TMEM30A: variants seen among roughly 807,000 people sequenced by gnomAD.
TMEM30A encodes the protein cell division cycle 50 P4-ATPase accessory subunit A.
TMEM30A carries 24 observed loss-of-function variants against 38.2 expected under a neutral mutation model. The ratio of observed to expected loss-of-function variants is 0.63; its 90% CI spans 0.46 to 0.88. The LOEUF (loss-of-function observed/expected upper bound fraction) is 0.88, where lower values mean the gene tolerates loss of function less well. Ranked by LOEUF, TMEM30A falls within the 40% of genes least tolerant of loss-of-function variation. The probability of loss-of-function intolerance (pLI) is 0.00; values close to 1 mark genes in which losing one functional copy is unlikely to be tolerated. For missense variants in TMEM30A, 370 were observed against 458.6 expected (o/e 0.81, Z 1.77); for synonymous variants, 145 against 161.6 (o/e 0.90, Z 0.78).
intron 1 of TMEM30A, among the ~76,000 whole-genome samples, chr6:75,269,643 A>G (rs1412303056): frequency 1.3e-5 from 2 of 152,142 alleles, no homozygotes; most frequent in African/African-American, 4.8e-5. Flanking sequence ...TTTTCAACCC[A>G]CTTGGCTAAA....
chr6:75,257,342 C>T (rs1466820252), intron 6 of TMEM30A, among the ~76,000 whole-genome samples: 1 of 152,058 alleles, frequency 6.6e-6, no homozygotes, highest in Admixed American at 6.6e-5. Context: ...GTCCAAATTC[C>T]TGTCTTATCA....
In TMEM30A at chr6:75,259,068, TAATA is replaced by T. The variant is rs1365761823; in HGVS notation, c.686-86_686-83del. 7.5e-6 allele frequency: 9 copies of T among 1,203,128 alleles called. No homozygotes were observed. The East Asian group carries it at 1.7e-4, about 23-fold the overall frequency. 74.5% of individuals were successfully genotyped at this position (1,203,128 alleles called of 1,614,324 possible). ...TGGCGGAGAAACGAATAAATTTGGA[TAATA>T]AATAGGGGTTTATTCAAAAGAAGCT... is the stretch of plus-strand genomic sequence containing the variant. On this transcript the variant is annotated intron_variant, in intron 5 of 6. Transcript: ENST00000230461.
At chr6:75,277,295 T>C (rs1441416861) in intron 1 of TMEM30A, among the ~76,000 whole-genome samples, 1 of 106,022 alleles carries the variant, frequency 9.4e-6, no homozygotes, top group Non-Finnish European at 1.8e-5. Flanking sequence ...TCAGATTCAA[T>C]GTCCTCATCC....
intron 1 of TMEM30A, among the ~76,000 whole-genome samples, chr6:75,271,594 T>G (rs1028407264): frequency 6.6e-6 from 1 of 152,196 alleles, no homozygotes; most frequent in African/African-American, 2.4e-5. Context: ...CACAGCCTGT[T>G]CCTTCACATA....
intron 3 of TMEM30A, among the ~76,000 whole-genome samples, chr6:75,264,473 TAAAAATAC>T (rs1018648445): frequency 4.0e-5 from 6 of 151,702 alleles, no homozygotes; most frequent in Non-Finnish European, 5.9e-5. Context: ...CCGTCTCTAC[TAAAAATAC>T]AAAAATTAGC....
intron 1 of TMEM30A, among the ~76,000 whole-genome samples, chr6:75,273,937 TG>T (rs1772216965): frequency 2.6e-5 from 4 of 152,196 alleles, no homozygotes; most frequent in Non-Finnish European, 5.9e-5. Context: ...CCCTATTAGG[TG>T]CTAGGCACTG....
rs765134451 is a variant in TMEM30A, at chr6:75,284,579, C to T, written c.60G>A (p.Gly20=). The T allele has an allele frequency of 4.3e-6, 7 of 1,613,674 alleles. No individual in the cohort carries two copies. The highest frequency in any genetic ancestry group is 2.2e-5 in the East Asian group (1 of 44,856). The change falls in exon 1 of 7, where the codon GGG becomes GGA. Residue 20 remains glycine, a synonymous_variant. Transcript: ENST00000230461. ...CCGGTCTCCGAGTCTTCGCGGTGCC[C>T]CCCGGAGCACACGGGGGCCCACCGT... ...EVDGGPPCAP[G]GTAKTRRPDN...
intron 6 of TMEM30A, among the ~76,000 whole-genome samples, chr6:75,257,735 G>T (rs936033099): frequency 6.6e-6 from 1 of 151,728 alleles, no homozygotes; most frequent in Non-Finnish European, 1.5e-5. Context: ...CAAGAGAGTA[G>T]AATTCAAAAA....
Position 75,284,752 on chromosome 6 carries a change from A to G in TMEM30A, c.-114T>C. 1.0e-6 allele frequency: 1 copy of G among 964,234 alleles called. No individual in the cohort carries two copies. Among genetic ancestry groups the G allele is most frequent in the Non-Finnish European group, 1.6e-6 (1 of 620,326 alleles). 59.7% of individuals were successfully genotyped at this position (964,234 alleles called of 1,614,324 possible). ...TGCCGCCGCCGCCGCCGCAGCCACCAGCGCCACCGCCACAGCCACCTCCGC... is the reference window on the plus strand; with the variant it reads ...TGCCGCCGCCGCCGCCGCAGCCACCGGCGCCACCGCCACAGCCACCTCCGC... On this transcript the variant is annotated 5_prime_UTR_variant, in exon 1 of 7. Transcript: ENST00000230461.
intron 4 of TMEM30A, 117 bp downstream of exon 4, chr6:75,260,707 T>G: frequency 1.9e-6 from 1 of 532,798 alleles, no homozygotes; most frequent in Non-Finnish European, 3.1e-6. Flanking sequence ...ATACTCGATT[T>G]AGTCTTAAAT....
At chr6:75,262,547 G>A (rs186337868) in intron 3 of TMEM30A, among the ~76,000 whole-genome samples, 33 of 151,594 alleles carry the variant, frequency 2.2e-4, no homozygotes, top group Admixed American at 4.6e-4. Flanking sequence ...GGAGGCTGAG[G>A]CACAGAATTG....
In TMEM30A at chr6:75,265,346, AAC is replaced by A; in HGVS notation, c.346-10_346-9del. On this transcript the variant is annotated splice_polypyrimidine_tract_variant and intron_variant, in intron 2 of 6. Coordinates refer to ENST00000230461, the MANE Select transcript of TMEM30A (RefSeq NM_018247.4). Reference sequence around the variant, plus strand: ...ATACATAAACACGTTGCCCTAGAGAAACAGAGAGGGAAAAAATTTTCATATAA... The same window carrying A: ...ATACATAAACACGTTGCCCTAGAGAAAGAGAGGGAAAAAATTTTCATATAA... 3.2e-6 allele frequency: 5 copies of A among 1,540,812 alleles called. No homozygotes were observed. Among genetic ancestry groups the A allele is most frequent in the Non-Finnish European group, 4.4e-6 (5 of 1,134,492 alleles).
At chr6:75,275,620 C>T (rs1772247617) in intron 1 of TMEM30A, among the ~76,000 whole-genome samples, 3 of 152,158 alleles carry the variant, frequency 2.0e-5, no homozygotes, top group African/African-American at 7.2e-5. Flanking sequence ...ATATCAATTG[C>T]ATGAGAAAAT....
intron 1 of TMEM30A, among the ~76,000 whole-genome samples, chr6:75,268,548 T>C (rs1004849513): frequency 6.6e-6 from 1 of 152,204 alleles, no homozygotes. Context: ...ACTAATGTGC[T>C]GGGAGGGTAA....
chr6:75,259,945 G>C (rs1414986332), intron 4 of TMEM30A, among the ~76,000 whole-genome samples: 1 of 152,076 alleles, frequency 6.6e-6, no homozygotes, highest in East Asian at 1.9e-4. Context: ...ATACACATCA[G>C]ATATCAAAGA....
intron 1 of TMEM30A, among the ~76,000 whole-genome samples, chr6:75,269,091 TC>T (rs1214286583): frequency 1.3e-5 from 2 of 151,890 alleles, no homozygotes; most frequent in Non-Finnish European, 2.9e-5. Flanking sequence ...ACACACAACT[TC>T]CCCCACTATC....
intron 6 of TMEM30A, 71 bp downstream of exon 6, chr6:75,258,709 T>TA (rs1771910722): frequency 2.9e-6 from 4 of 1,361,108 alleles, no homozygotes; most frequent in African/African-American, 2.9e-5. Flanking sequence ...ACATGCCACA[T>TA]AACAGATATA....
intron 1 of TMEM30A, among the ~76,000 whole-genome samples, chr6:75,274,827 C>T (rs537016508): frequency 1.3e-4 from 20 of 151,936 alleles, no homozygotes; most frequent in African/African-American, 4.1e-4. Flanking sequence ...ATCGAGACCA[C>T]GGTGAAACCC....
intron 1 of TMEM30A, chr6:75,272,505 G>C (rs562941141): frequency 2.0e-5 from 3 of 152,356 alleles, no homozygotes; most frequent in African/African-American, 7.2e-5. Context: ...TCGGGTATCA[G>C]TTTAAAACTG....
Sources: gnomAD v4.1 joint callset for allele counts (sites outside exome capture counted in the v4.1 genomes callset) on GRCh38, gnomAD v4.1.1 for gene constraint, MANE v1.5 for transcripts, NCBI Gene and HGNC (gene_info 2026-07-23, HGNC 2026-07-21) for gene names.